The following CIMIP2C variants were observed in gnomAD, a reference collection of about 807,000 sequenced individuals.
CIMIP2C encodes ciliary microtubule inner protein 2C.
At chr2:26,577,639 G>A in the CIMIP2C span, 2 of 1,604,920 alleles carry the variant, frequency 1.2e-6, no homozygotes, top group South Asian at 1.1e-5. Context: ...GTGAGTGCCT[G>A]CCCTCCCTTC....
the CIMIP2C span, chr2:26,577,651 T>C: frequency 6.3e-7 from 1 of 1,588,274 alleles, no homozygotes; most frequent in Non-Finnish European, 8.6e-7. Flanking sequence ...CCTCCCTTCA[T>C]CTACGCAGTC....
the CIMIP2C span, among the ~76,000 whole-genome samples, chr2:26,573,281 C>T: frequency 5.5e-4 from 84 of 152,350 alleles, no homozygotes; most frequent in African/African-American, 1.9e-3. Flanking sequence ...CCTTCCTCTT[C>T]GCCATCTTTA....
chr2:26,575,131 TCTCCTGGAAC>T, the CIMIP2C span, among the ~76,000 whole-genome samples: 1 of 152,194 alleles, frequency 6.6e-6, no homozygotes, highest in African/African-American at 2.4e-5. Flanking sequence ...CTCCTGTCCC[TCTCCTGGAAC>T]CTCCTTGGTC....
At chr2:26,566,595 G>T in the CIMIP2C span, among the ~76,000 whole-genome samples, 1 of 152,234 alleles carries the variant, frequency 6.6e-6, no homozygotes, top group Non-Finnish European at 1.5e-5. Context: ...ATGCACAGCT[G>T]TGCACCATTA....
At chr2:26,577,738 T>G in the CIMIP2C span, 1 of 814,876 alleles carries the variant, frequency 1.2e-6, no homozygotes, top group Non-Finnish European at 2.0e-6. Flanking sequence ...TTGAGGATCT[T>G]GCCCTAAAAC....
At chr2:26,568,041 C>T in the CIMIP2C span, among the ~76,000 whole-genome samples, 3 of 152,196 alleles carry the variant, frequency 2.0e-5, no homozygotes, top group African/African-American at 7.2e-5. Context: ...CACACCCCCG[C>T]CCCCAGGCTG....
the CIMIP2C span, among the ~76,000 whole-genome samples, chr2:26,566,733 C>T: frequency 3.9e-5 from 6 of 152,126 alleles, no homozygotes; most frequent in Non-Finnish European, 8.8e-5. Context: ...GTTTTTCTTT[C>T]CTTTGAGACA....
chr2:26,571,257 G>A, the CIMIP2C span, among the ~76,000 whole-genome samples: 2 of 152,260 alleles, frequency 1.3e-5, no homozygotes, highest in Admixed American at 1.3e-4. Context: ...CATCGCCTGG[G>A]GAAGGAGCCA....
At chr2:26,576,034 T>A in the CIMIP2C span, 1 of 1,614,154 alleles carries the variant, frequency 6.2e-7, no homozygotes. Flanking sequence ...AAGGCGGCCA[T>A]TTCCCCACCA....
At chr2:26,579,391 C>G in the CIMIP2C span, 5 of 1,614,054 alleles carry the variant, frequency 3.1e-6, no homozygotes, top group East Asian at 1.1e-4. Context: ...GAGGGTCTCT[C>G]CACAGGAGCG....
the CIMIP2C span, chr2:26,578,677 T>G: frequency 2.2e-6 from 1 of 462,024 alleles, no homozygotes; most frequent in African/African-American, 2.0e-5. Flanking sequence ...GGGACTCTCC[T>G]GGGGACAGGT....
At chr2:26,563,305 C>A in the CIMIP2C span, among the ~76,000 whole-genome samples, 1 of 152,366 alleles carries the variant, frequency 6.6e-6, no homozygotes, top group Middle Eastern at 3.4e-3. Flanking sequence ...TTGCCCTGAG[C>A]GCTGGCTTGC....
the CIMIP2C span, among the ~76,000 whole-genome samples, chr2:26,577,285 G>T: frequency 6.6e-6 from 1 of 152,334 alleles, no homozygotes; most frequent in African/African-American, 2.4e-5. Context: ...TAGCAAAGCT[G>T]GTCTGGTGGG....
At chr2:26,577,685 T>C in the CIMIP2C span, 4 of 1,314,738 alleles carry the variant, frequency 3.0e-6, no homozygotes, top group Non-Finnish European at 4.4e-6. Flanking sequence ...ATGGGGCACC[T>C]GCTCTCGGCC....
chr2:26,579,360 C>G, the CIMIP2C span: 1 of 1,614,060 alleles, frequency 6.2e-7, no homozygotes, highest in Non-Finnish European at 8.5e-7. Flanking sequence ...TGAAGACCTA[C>G]CAGACCTTCC....
chr2:26,574,711 G>C, the CIMIP2C span, among the ~76,000 whole-genome samples: 1 of 152,222 alleles, frequency 6.6e-6, no homozygotes, highest in Non-Finnish European at 1.5e-5. Flanking sequence ...TCATGAAGGT[G>C]TGGTCAGAGA....
the CIMIP2C span, chr2:26,577,522 C>T: frequency 5.0e-6 from 8 of 1,613,890 alleles, no homozygotes; most frequent in Non-Finnish European, 6.8e-6. Context: ...ATAGATGGTC[C>T]AGCAGCATCG....
At chr2:26,562,685 G>C in the CIMIP2C span, 3 of 1,568,634 alleles carry the variant, frequency 1.9e-6, no homozygotes, top group Non-Finnish European at 1.7e-6. Context: ...ACTCATGCCC[G>C]GGTAAGGCCG....
chr2:26,575,982 A>T, the CIMIP2C span: 1 of 1,614,006 alleles, frequency 6.2e-7, no homozygotes. Flanking sequence ...TTCCAGGACC[A>T]CCGCAACAGA....
Sources: gnomAD v4.1 joint callset for allele counts (sites outside exome capture counted in the v4.1 genomes callset) on GRCh38, gnomAD v4.1.1 for gene constraint, MANE v1.5 for transcripts, NCBI Gene and HGNC (gene_info 2026-07-23, HGNC 2026-07-21) for gene names.